Variants in GPHN observed in about 807,000 individuals in gnomAD.
GPHN encodes gephyrin.
GPHN carries 17 observed loss-of-function variants against 95.5 expected under a neutral mutation model. The observed-to-expected ratio is 0.18, with a 90% CI of 0.12 to 0.27. The LOEUF (loss-of-function observed/expected upper bound fraction) is 0.27, where lower values mean the gene tolerates loss of function less well. Ranked by LOEUF, GPHN falls within the 10% of genes least tolerant of loss-of-function variation. The probability of loss-of-function intolerance (pLI) is 1.00; values close to 1 mark genes in which losing one functional copy is unlikely to be tolerated. For missense variants in GPHN, 660 were observed against 978.1 expected (o/e 0.67, Z 4.34); for synonymous variants, 320 against 322.5 (o/e 0.99, Z 0.08).
intron 11 of GPHN, among the ~76,000 whole-genome samples, chr14:67,071,901 C>G (rs2076327390): frequency 6.6e-6 from 1 of 151,748 alleles, no homozygotes; most frequent in African/African-American, 2.4e-5. Flanking sequence ...AATACTTAAT[C>G]CAAAAAGGAA....
the GPHN span, among the ~76,000 whole-genome samples, chr14:67,371,349 G>C: frequency 6.6e-6 from 1 of 151,910 alleles, no homozygotes; most frequent in African/African-American, 2.4e-5. Context: ...GAGCCCAGGA[G>C]TTTGAGGCTG....
chr14:67,588,453 A>ATGTG, the GPHN span: 262 of 152,502 alleles, frequency 1.7e-3, 1 homozygote, highest in African/African-American at 6.0e-3. Flanking sequence ...GAGGGTACAT[A>ATGTG]TGTGACATTT....
At chr14:66,599,527 CT>C (rs763774256) in intron 1 of GPHN, among the ~76,000 whole-genome samples, 22 of 150,800 alleles carry the variant, frequency 1.5e-4, no homozygotes, top group Non-Finnish European at 2.8e-4. Context: ...AAGTTGTCTG[CT>C]TCTTATTTAT....
intron 3 of GPHN, among the ~76,000 whole-genome samples, chr14:66,785,225 G>A (rs560635706): frequency 2.0e-5 from 3 of 152,270 alleles, no homozygotes; most frequent in African/African-American, 7.2e-5. Context: ...GAATATCCAG[G>A]CATGGTGGCA....
chr14:66,833,664 T>TAAAAAA (rs11394709), intron 4 of GPHN, among the ~76,000 whole-genome samples: 4 of 142,694 alleles, frequency 2.8e-5, no homozygotes, highest in Admixed American at 6.9e-5. Flanking sequence ...ATGCCCTGGT[T>TAAAAAA]AAAAAAAAAA....
chr14:67,350,347 A>G, the GPHN span, among the ~76,000 whole-genome samples: 1 of 152,190 alleles, frequency 6.6e-6, no homozygotes, highest in Non-Finnish European at 1.5e-5. Flanking sequence ...AGCCATGTTG[A>G]AAATAAGGAA....
the GPHN span, among the ~76,000 whole-genome samples, chr14:67,547,067 T>C: frequency 6.6e-6 from 1 of 152,180 alleles, no homozygotes; most frequent in African/African-American, 2.4e-5. Flanking sequence ...TATTGACACC[T>C]TCTTGTCTTC....
chr14:67,064,928 C>G (rs1180364029), intron 11 of GPHN, among the ~76,000 whole-genome samples: 4 of 152,146 alleles, frequency 2.6e-5, no homozygotes, highest in Non-Finnish European at 5.9e-5. Flanking sequence ...GTGTCTCTGT[C>G]TCCTTCAGTT....
At chr14:66,745,580 T>C (rs1234823034) in intron 2 of GPHN, among the ~76,000 whole-genome samples, 1 of 152,068 alleles carries the variant, frequency 6.6e-6, no homozygotes, top group African/African-American at 2.4e-5. Flanking sequence ...TTTTGTTATA[T>C]ATTGTCAGAA....
the GPHN span, among the ~76,000 whole-genome samples, chr14:67,480,584 G>A: frequency 6.6e-6 from 1 of 152,114 alleles, no homozygotes; most frequent in Non-Finnish European, 1.5e-5. Flanking sequence ...CGGTCTGAGG[G>A]CCTGAGACAG....
chr14:66,998,877 TA>T (rs55936517), intron 9 of GPHN, among the ~76,000 whole-genome samples: 77,935 of 143,418 alleles, frequency 0.54, 23,595 homozygotes, highest in Non-Finnish European at 0.69. Flanking sequence ...GGTCCCTTTG[TA>T]AAAAAAAAAA....
At chr14:66,653,754 T>C (rs1402291549) in intron 1 of GPHN, among the ~76,000 whole-genome samples, 1 of 152,160 alleles carries the variant, frequency 6.6e-6, no homozygotes, top group Non-Finnish European at 1.5e-5. Context: ...ATACTGTATA[T>C]CAGGCGTTGG....
At chr14:67,350,532 T>TA in the GPHN span, 10 of 1,300,570 alleles carry the variant, frequency 7.7e-6, no homozygotes, top group South Asian at 1.0e-4. Context: ...ATTTCTAAAT[T>TA]AAAAAATGCT....
At chr14:67,501,795 T>C in the GPHN span, among the ~76,000 whole-genome samples, 20 of 152,184 alleles carry the variant, frequency 1.3e-4, no homozygotes, top group Non-Finnish European at 2.4e-4. Flanking sequence ...GTAGAGCACA[T>C]ATCATAAATT....
At chr14:67,421,546 A>G in the GPHN span, among the ~76,000 whole-genome samples, 1 of 152,180 alleles carries the variant, frequency 6.6e-6, no homozygotes, top group Non-Finnish European at 1.5e-5. Flanking sequence ...ACAAAAAGAA[A>G]AAGTGATGAC....
chr14:66,911,625 C>T (rs963768748), intron 5 of GPHN, among the ~76,000 whole-genome samples: 3 of 151,816 alleles, frequency 2.0e-5, no homozygotes, highest in Admixed American at 6.6e-5. Context: ...GTTTTATACA[C>T]GTCATACCTT....
chr14:67,676,517 G>C, the GPHN span, among the ~76,000 whole-genome samples: 2 of 152,124 alleles, frequency 1.3e-5, no homozygotes, highest in African/African-American at 4.8e-5. Flanking sequence ...GATCGCTTGA[G>C]CCCAGAGTTT....
At chr14:66,715,692 C>T (rs535241424) in intron 2 of GPHN, among the ~76,000 whole-genome samples, 1 of 152,128 alleles carries the variant, frequency 6.6e-6, no homozygotes, top group East Asian at 1.9e-4. Flanking sequence ...TATTGTAGTT[C>T]AGTTCAAATA....
chr14:66,568,346 C>T (rs1004084366), intron 1 of GPHN, among the ~76,000 whole-genome samples: 1 of 152,064 alleles, frequency 6.6e-6, no homozygotes, highest in Admixed American at 6.5e-5. Flanking sequence ...CTTGGTTAGG[C>T]CTGCGTGCCT....
Sources: allele counts gnomAD v4.1 joint callset (sites outside exome capture counted in the v4.1 genomes callset), GRCh38; gene constraint gnomAD v4.1.1; transcripts MANE v1.5; gene names NCBI Gene and HGNC (gene_info 2026-07-23, HGNC 2026-07-21).